Variants in KIAA0753 observed in about 807,000 individuals in gnomAD.
KIAA0753 encodes the protein protein moonraker.
A neutral mutation model predicts 116.9 loss-of-function variants in KIAA0753; 114 were observed. The ratio of observed to expected loss-of-function variants is 0.98; its 90% CI spans 0.84 to 1.14. The LOEUF (loss-of-function observed/expected upper bound fraction) is 1.14, where lower values mean the gene tolerates loss of function less well. Among genes scored for constraint, KIAA0753 ranks in the 50% most tolerant of loss-of-function variants. The probability of loss-of-function intolerance (pLI) is 0.00; values close to 1 mark genes in which losing one functional copy is unlikely to be tolerated. For missense variants in KIAA0753, 1,156 were observed against 1,172.4 expected (o/e 0.99, Z 0.20); for synonymous variants, 405 against 413.1 (o/e 0.98, Z 0.24).
chr17:6,610,124 G>T lies in KIAA0753; in HGVS notation c.1582C>A (p.Pro528Thr). The change falls in exon 9 of 19, where the codon CCT (proline) becomes ACT (threonine). Residue 528 changes from proline (P) to threonine (T), a missense_variant. Transcript: ENST00000361413. ...TGCTGCACTCTGCTTTTACTGTGAG[G>T]TTGGCTTTGTCTACCTCTTTCAGCT... ...RKAERGRQSQ[P>T]HSKSRVQQTT... 6.2e-7 allele frequency: 1 copy of T among 1,614,074 alleles called. No homozygotes were observed. Among genetic ancestry groups the T allele is most frequent in the South Asian group, 1.1e-5 (1 of 91,070 alleles).
At position 6,623,086 on chromosome 17, in the gene KIAA0753, C is replaced by CTGTTT. The variant is rs1971436987; in HGVS notation, c.899_900insAAACA (p.Met300IlefsTer64). 6.2e-7 allele frequency: 1 copy of CTGTTT among 1,612,994 alleles called. No individual in the cohort carries two copies. On this transcript the variant is annotated frameshift_variant, in exon 6 of 19. Coordinates refer to ENST00000361413, the MANE Select transcript of KIAA0753 (RefSeq NM_014804.3). LOFTEE classifies it high-confidence loss of function. ...CTCGATGGGCAGCCGCCAGCTTAGA[C>CTGTTT]ATTGCCCATGACTGGTAATAAACAA...
chr17:6,618,638 GT>G (rs892341407), intron 7 of KIAA0753, among the ~76,000 whole-genome samples: 1 of 152,202 alleles, frequency 6.6e-6, no homozygotes. Context: ...AGGAAAAACA[GT>G]TTGGTTTTTC....
At position 6,623,022 on chromosome 17, in the gene KIAA0753, T is replaced by C; in HGVS notation, c.964A>G (p.Thr322Ala). The C allele has an allele frequency of 6.2e-7, 1 of 1,614,152 alleles. No homozygotes were observed. The highest frequency in any genetic ancestry group is 8.5e-7 in the Non-Finnish European group (1 of 1,180,022). ...RALQMFVTQF[T>A]DRGEHPLPAR... Reference sequence around the variant, plus strand: ...GGAAGTGGATGCTCCCCTCGGTCAGTAAACTGAGTGACAAACATCTGTAAG... The same window carrying C: ...GGAAGTGGATGCTCCCCTCGGTCAGCAAACTGAGTGACAAACATCTGTAAG... Residue 322 changes from threonine (T) to alanine (A), a missense_variant, in exon 6 of 19, where the codon ACT (threonine) becomes GCT (alanine). Coordinates refer to ENST00000361413, the MANE Select transcript of KIAA0753 (RefSeq NM_014804.3).
intron 12 of KIAA0753, among the ~76,000 whole-genome samples, chr17:6,602,499 A>G (rs956747119): frequency 1.3e-4 from 20 of 152,242 alleles, no homozygotes; most frequent in Non-Finnish European, 2.8e-4. Context: ...TTCTTGAGCA[A>G]AAGAAGCCAG....
rs773698262 is a variant in KIAA0753 at position 6,609,974 on chromosome 17, T to C, written c.1712+20A>G. ...AAAAGAGCATCACATACACAAACGG[T>C]CCCTTGAGTTTTCACATACCATTTA... On this transcript the variant is annotated intron_variant, in intron 9 of 18. Transcript: ENST00000361413. The C allele has an allele frequency of 1.2e-6, 2 of 1,613,064 alleles. No homozygotes were observed. The highest frequency in any genetic ancestry group is 1.7e-5 in the Admixed American group (1 of 59,974).
At chr17:6,600,222 A>G (rs997398123) in intron 13 of KIAA0753, among the ~76,000 whole-genome samples, 158 bp downstream of exon 13, 4 of 152,150 alleles carry the variant, frequency 2.6e-5, no homozygotes, top group African/African-American at 7.2e-5. Flanking sequence ...CTTTTCCACA[A>G]TGGAGGGCAT....
intron 8 of KIAA0753, 52 bp downstream of exon 8, chr17:6,611,867 T>C (rs1373293104): frequency 7.3e-6 from 11 of 1,501,746 alleles, no homozygotes; most frequent in African/African-American, 1.4e-5. Flanking sequence ...TATGTGACCT[T>C]GACAATGTCA....
intron 18 of KIAA0753, among the ~76,000 whole-genome samples, chr17:6,587,573 T>C (rs1422981196): frequency 1.3e-5 from 2 of 152,222 alleles, no homozygotes; most frequent in Non-Finnish European, 2.9e-5. Flanking sequence ...TGAGTACATA[T>C]GCTACAGGAG....
chr17:6,624,224 G>A (rs547526873), intron 4 of KIAA0753, among the ~76,000 whole-genome samples: 49 of 152,164 alleles, frequency 3.2e-4, no homozygotes, highest in Non-Finnish European at 6.3e-4. Flanking sequence ...CTGTGTATCC[G>A]CTACTAAAGA....
At chr17:6,591,376 C>T (rs893441495) in intron 16 of KIAA0753, among the ~76,000 whole-genome samples, 3 of 152,120 alleles carry the variant, frequency 2.0e-5, no homozygotes, top group Non-Finnish European at 4.4e-5. Flanking sequence ...GACAGAAGTA[C>T]GATATAAGTC....
chr17:6,596,007 C>T (rs962391557), intron 15 of KIAA0753, 151 bp downstream of exon 15: 2 of 737,092 alleles, frequency 2.7e-6, no homozygotes, highest in Non-Finnish European at 4.5e-6. Flanking sequence ...TTGACGATAC[C>T]AAGGTCATAC....
intron 12 of KIAA0753, among the ~76,000 whole-genome samples, chr17:6,604,333 C>G (rs1395359341): frequency 6.6e-6 from 1 of 151,790 alleles, no homozygotes; most frequent in African/African-American, 2.4e-5. Context: ...CCTCGACTTC[C>G]CAGGCTCAAG....
intron 2 of KIAA0753, among the ~76,000 whole-genome samples, chr17:6,634,384 G>A (rs1028914331): frequency 1.3e-5 from 2 of 152,182 alleles, no homozygotes; most frequent in African/African-American, 2.4e-5. Flanking sequence ...GATTACAGGC[G>A]TGAGCCACCG....
At chr17:6,583,712 C>T (rs1968363981) in intron 18 of KIAA0753, among the ~76,000 whole-genome samples, 1 of 152,016 alleles carries the variant, frequency 6.6e-6, no homozygotes, top group Non-Finnish European at 1.5e-5. Flanking sequence ...TTGTTTAGTT[C>T]CCAGTTCTAT....
intron 18 of KIAA0753, among the ~76,000 whole-genome samples, chr17:6,589,071 T>C (rs1008861427): frequency 2.0e-5 from 3 of 152,146 alleles, no homozygotes; most frequent in African/African-American, 7.2e-5. Context: ...TCTAACTGAC[T>C]CCTGAGTATT....
intron 13 of KIAA0753, 108 bp downstream of exon 13, chr17:6,600,272 C>G (rs959412910): frequency 3.7e-6 from 3 of 804,526 alleles, no homozygotes; most frequent in Non-Finnish European, 6.3e-6. Context: ...CTTCCAGATG[C>G]CACAGAGACA....
chr17:6,581,851 C>A (rs573743237), intron 18 of KIAA0753, among the ~76,000 whole-genome samples: 1 of 152,360 alleles, frequency 6.6e-6, no homozygotes, highest in South Asian at 2.1e-4. Context: ...TTGAGCACTT[C>A]CTTTCTAGCA....
intron 2 of KIAA0753, among the ~76,000 whole-genome samples, chr17:6,629,253 T>C (rs952384906): frequency 6.6e-6 from 1 of 152,260 alleles, no homozygotes; most frequent in African/African-American, 2.4e-5. Context: ...AGTCCGCTTA[T>C]GCTTTCTTAC....
Position 6,607,176 on chromosome 17 carries a change from T to A in KIAA0753, c.1919+5A>T. ...CCTTTTCCTAACTCAGAAGCAAATA[T>A]TTACCTCTGTTTTTGCATGCTGTCA... is the stretch of plus-strand genomic sequence containing the variant. On this transcript the variant is annotated splice_donor_5th_base_variant and intron_variant, in intron 11 of 18. Transcript: ENST00000361413. 2 of 1,610,998 alleles carry A rather than the reference T, an allele frequency of 1.2e-6. No homozygotes were observed. The highest frequency in any genetic ancestry group is 1.7e-6 in the Non-Finnish European group (2 of 1,177,194).
Sources: gnomAD v4.1 joint callset for allele counts (sites outside exome capture counted in the v4.1 genomes callset) on GRCh38, gnomAD v4.1.1 for gene constraint, MANE v1.5 for transcripts, NCBI Gene and HGNC (gene_info 2026-07-23, HGNC 2026-07-21) for gene names.